The following COL5A2 variants were observed in gnomAD, a reference collection of about 807,000 sequenced individuals.
The protein encoded by COL5A2 is collagen alpha-2(V) chain.
A neutral mutation model predicts 208.2 loss-of-function variants in COL5A2; 23 were observed. The observed-to-expected ratio is 0.11, with a 90% CI of 0.08 to 0.16. COL5A2 has a LOEUF of 0.16. COL5A2 is among the 10% of genes least tolerant of loss of function. The pLI is 1.00. For missense variants in COL5A2, 1,590 were observed against 1,956.4 expected (o/e 0.81, Z 3.53); for synonymous variants, 625 against 628.5 (o/e 0.99, Z 0.08).
chr2:189,349,059 A>T, the COL5A2 span, among the ~76,000 whole-genome samples: 1 of 152,164 alleles, frequency 6.6e-6, no homozygotes, highest in Non-Finnish European at 1.5e-5. Context: ...ATCTCCCAAC[A>T]TTCTCCATTA....
the COL5A2 span, among the ~76,000 whole-genome samples, chr2:189,397,125 G>T: frequency 1.7e-3 from 252 of 152,266 alleles, 3 homozygotes; most frequent in South Asian, 0.03. Flanking sequence ...TGGATATGGG[G>T]AACTTTGGAA....
chr2:189,066,604 C>T (rs1364825739), intron 22 of COL5A2, 107 bp from the exon 23 acceptor site: 1 of 1,350,932 alleles, frequency 7.4e-7, no homozygotes, highest in East Asian at 2.3e-5. Context: ...GTATATGGAA[C>T]AATGAGATAT....
chr2:189,302,931 G>C, the COL5A2 span, among the ~76,000 whole-genome samples: 1 of 152,170 alleles, frequency 6.6e-6, no homozygotes, highest in South Asian at 2.1e-4. Context: ...ATGCCAAAAA[G>C]GAGCCATAAA....
At chr2:189,439,062 C>T in the COL5A2 span, among the ~76,000 whole-genome samples, 7 of 152,296 alleles carry the variant, frequency 4.6e-5, no homozygotes, top group African/African-American at 1.4e-4. Context: ...TGCTTATTCA[C>T]ACTCTCAACC....
At chr2:189,389,463 A>G in the COL5A2 span, among the ~76,000 whole-genome samples, 1 of 152,160 alleles carries the variant, frequency 6.6e-6, no homozygotes, top group Non-Finnish European at 1.5e-5. Context: ...CAAAAATTTT[A>G]GGAGTTTTTT....
intron 1 of COL5A2, among the ~76,000 whole-genome samples, chr2:189,110,657 G>A (rs2105713004): frequency 6.6e-6 from 1 of 152,234 alleles, no homozygotes; most frequent in South Asian, 2.1e-4. Context: ...CATGATAGGG[G>A]AAGAAATAAA....
the COL5A2 span, among the ~76,000 whole-genome samples, chr2:189,266,101 T>C: frequency 6.6e-6 from 1 of 152,126 alleles, no homozygotes; most frequent in Non-Finnish European, 1.5e-5. Flanking sequence ...ATGTGGTATA[T>C]CCATGCAAGG....
chr2:189,059,328 T>C (rs1243998483), intron 31 of COL5A2, among the ~76,000 whole-genome samples: 1 of 152,132 alleles, frequency 6.6e-6, no homozygotes, highest in Non-Finnish European at 1.5e-5. Flanking sequence ...TAAATCTTTC[T>C]TGAGCCTATA....
chr2:189,078,505 G>A lies in COL5A2; in HGVS notation c.1059+11C>T. The A allele has an allele frequency of 6.3e-7, 1 of 1,597,608 alleles. No homozygotes were observed. The highest frequency in any genetic ancestry group is 8.6e-7 in the Non-Finnish European group (1 of 1,165,080). On this transcript the variant is annotated intron_variant, in intron 16 of 53. Coordinates refer to ENST00000374866, the MANE Select transcript of COL5A2 (RefSeq NM_000393.5). ...CATCTCAGCAGTATAAGTAAAAGCA[G>A]ATATACTTACAGGAGCACCCTGTGG...
the COL5A2 span, among the ~76,000 whole-genome samples, chr2:189,263,198 T>C: frequency 6.6e-6 from 1 of 151,980 alleles, no homozygotes. Flanking sequence ...CTCAAAAACA[T>C]CCAAAATTCC....
At chr2:189,119,303 A>T (rs1383269309) in intron 1 of COL5A2, among the ~76,000 whole-genome samples, 2 of 152,052 alleles carry the variant, frequency 1.3e-5, no homozygotes, top group East Asian at 3.9e-4. Flanking sequence ...GGATGAGACA[A>T]TCATCTTCTT....
Position 189,068,214 on chromosome 2 carries a change from TG to T in COL5A2, c.1302+11del, listed in dbSNP as rs560222787. The T allele has an allele frequency of 2.5e-6, 4 of 1,613,580 alleles. No individual in the cohort carries two copies. The South Asian group carries it at 4.4e-5, about 18-fold the overall frequency. ...CCATTTGAGCTTCACATGCCATAAA[TG>T]CAGTACTCACCGTTGGGCCTTTGGC... On this transcript the variant is annotated intron_variant, in intron 20 of 53. Coordinates refer to ENST00000374866, the MANE Select transcript of COL5A2 (RefSeq NM_000393.5).
At chr2:189,042,491 C>A (rs540947186) in intron 49 of COL5A2, among the ~76,000 whole-genome samples, 1 of 152,164 alleles carries the variant, frequency 6.6e-6, no homozygotes, top group South Asian at 2.1e-4. Context: ...TATATCCAAA[C>A]CCTAGGTAAT....
At chr2:189,290,730 AC>A in the COL5A2 span, among the ~76,000 whole-genome samples, 1 of 151,266 alleles carries the variant, frequency 6.6e-6, no homozygotes. Context: ...ACACACACAC[AC>A]ACACACACAC....
the COL5A2 span, among the ~76,000 whole-genome samples, chr2:189,333,758 G>C: frequency 6.6e-6 from 1 of 152,058 alleles, no homozygotes; most frequent in African/African-American, 2.4e-5. Context: ...TATCAGTCAA[G>C]AAGAGAAGCC....
At chr2:189,178,709 TAAAAAAAAA>T (rs11296800) in intron 1 of COL5A2, among the ~76,000 whole-genome samples, 1 of 118,152 alleles carries the variant, frequency 8.5e-6, no homozygotes, top group South Asian at 2.8e-4. Context: ...GATTTATCTT[TAAAAAAAAA>T]AAAAAAAAAA....
At chr2:189,400,531 C>G in the COL5A2 span, among the ~76,000 whole-genome samples, 1 of 152,090 alleles carries the variant, frequency 6.6e-6, no homozygotes, top group Non-Finnish European at 1.5e-5. Context: ...TCCTTGACGA[C>G]TAATTAGAGT....
At chr2:189,424,073 C>T in the COL5A2 span, among the ~76,000 whole-genome samples, 7 of 151,992 alleles carry the variant, frequency 4.6e-5, no homozygotes, top group African/African-American at 1.7e-4. Flanking sequence ...TGTAATACAC[C>T]ACATTAACAG....
At chr2:189,300,441 T>C in the COL5A2 span, among the ~76,000 whole-genome samples, 1 of 152,178 alleles carries the variant, frequency 6.6e-6, no homozygotes, top group African/African-American at 2.4e-5. Flanking sequence ...AATAAAAAAA[T>C]GTGTGTATAT....
Sources: gnomAD v4.1 joint callset for allele counts (sites outside exome capture counted in the v4.1 genomes callset) on GRCh38, gnomAD v4.1.1 for gene constraint, MANE v1.5 for transcripts, NCBI Gene and HGNC (gene_info 2026-07-23, HGNC 2026-07-21) for gene names.